CDH2: variants seen among roughly 807,000 people sequenced by gnomAD.
CDH2 encodes the protein cadherin-2.
CDH2 carries 17 observed loss-of-function variants against 92.0 expected under a neutral mutation model. The observed-to-expected ratio is 0.18, with a 90% CI of 0.13 to 0.28. The LOEUF (loss-of-function observed/expected upper bound fraction) is 0.28, where lower values mean the gene tolerates loss of function less well. CDH2 is among the 10% of genes least tolerant of loss of function. CDH2 has a pLI of 1.00. For missense variants in CDH2, 862 were observed against 1,133.1 expected (o/e 0.76, Z 3.44); for synonymous variants, 419 against 415.9 (o/e 1.01, Z -0.09).
intron 2 of CDH2, among the ~76,000 whole-genome samples, chr18:28,025,553 G>A (rs553755321): frequency 3.8e-4 from 57 of 149,366 alleles, no homozygotes; most frequent in African/African-American, 1.1e-3. Context: ...AATAATAAGC[G>A]TTTGCAATTG....
At chr18:27,991,718 T>C (rs1481739374) in intron 9 of CDH2, among the ~76,000 whole-genome samples, 1 of 152,188 alleles carries the variant, frequency 6.6e-6, no homozygotes, top group Admixed American at 6.5e-5. Context: ...CAGACTCAAG[T>C]TGGTGCTTTT....
At chr18:28,017,514 T>G (rs2013285147) in intron 2 of CDH2, among the ~76,000 whole-genome samples, 1 of 152,186 alleles carries the variant, frequency 6.6e-6, no homozygotes. Context: ...CTTTTCTTGG[T>G]TAATCTCGTT....
At chr18:28,073,385 T>A (rs1028791389) in intron 2 of CDH2, among the ~76,000 whole-genome samples, 1 of 152,176 alleles carries the variant, frequency 6.6e-6, no homozygotes, top group Non-Finnish European at 1.5e-5. Context: ...TTTCTATTTT[T>A]AAAAAATCAA....
intron 2 of CDH2, among the ~76,000 whole-genome samples, chr18:28,044,059 C>T (rs1462194886): frequency 6.6e-6 from 1 of 151,848 alleles, no homozygotes; most frequent in Non-Finnish European, 1.5e-5. Flanking sequence ...ATTACAGGCA[C>T]CTGCCACCAC....
chr18:28,146,198 A>G (rs1000443387), intron 2 of CDH2: 3 of 152,150 alleles, frequency 2.0e-5, no homozygotes, highest in Admixed American at 6.5e-5. Flanking sequence ...GAAATTACCC[A>G]TTTAAAAATG....
intron 1 of CDH2, among the ~76,000 whole-genome samples, chr18:28,156,642 C>CATGTCACCTTCCCAGGTGCAGA (rs1568020578): frequency 2.3e-5 from 1 of 43,892 alleles, no homozygotes; most frequent in Non-Finnish European, 4.3e-5. Flanking sequence ...CCAGGTGCAG[C>CATGTCACCTTCCCAGGTGCAGA]ATGTCACCTT....
At chr18:27,979,599 A>C (rs2011971817) in intron 14 of CDH2, among the ~76,000 whole-genome samples, 1 of 152,202 alleles carries the variant, frequency 6.6e-6, no homozygotes, top group Non-Finnish European at 1.5e-5. Flanking sequence ...GGATACATAA[A>C]ATGTAGTTAA....
At chr18:28,087,700 T>A (rs561885941) in intron 2 of CDH2, among the ~76,000 whole-genome samples, 1 of 152,278 alleles carries the variant, frequency 6.6e-6, no homozygotes, top group East Asian at 1.9e-4. Context: ...CATCATGTTC[T>A]ACTGACACAC....
In CDH2 at chr18:27,952,110, G is replaced by A; in HGVS notation, c.*43C>T. On this transcript the variant is annotated 3_prime_UTR_variant, in exon 16 of 16. Coordinates refer to ENST00000269141, the MANE Select transcript of CDH2 (RefSeq NM_001792.5). ...TGAATGCTTTTTGGGAATATCAGTT[G>A]AAATTGTTTGTACTTGTCCAAAAAC... is the stretch of plus-strand genomic sequence containing the variant. 6.7e-7 allele frequency: 1 copy of A among 1,501,694 alleles called. No homozygotes were observed. Among genetic ancestry groups the A allele is most frequent in the Non-Finnish European group, 9.3e-7 (1 of 1,078,722 alleles). 93.0% of individuals were successfully genotyped at this position (1,501,694 alleles called of 1,614,324 possible).
In CDH2 at chr18:27,990,861, A is replaced by G. The variant is rs1033893995; in HGVS notation, c.1345-511T>C. Among the ~76,000 whole-genome samples the G allele has an allele frequency of 3.3e-5, 5 of 152,346 alleles. No homozygotes were observed. The South Asian group carries it at 8.3e-4, about 25-fold the overall frequency. Reference sequence around the variant, plus strand: ...ATTTGATTTAAAAGTACCTTTCATAATTTGAAGTACACATTTTGCAGTACA... The same window carrying G: ...ATTTGATTTAAAAGTACCTTTCATAGTTTGAAGTACACATTTTGCAGTACA... On this transcript the variant is annotated intron_variant, in intron 9 of 15. Transcript: ENST00000269141.
chr18:28,137,156 C>T (rs899560061), intron 2 of CDH2, among the ~76,000 whole-genome samples: 1 of 152,122 alleles, frequency 6.6e-6, no homozygotes, highest in African/African-American at 2.4e-5. Flanking sequence ...TACTTCCTCA[C>T]ACTAATGAAA....
chr18:28,068,425 AACAC>A (rs71871790), intron 2 of CDH2, among the ~76,000 whole-genome samples: 24,829 of 152,100 alleles, frequency 0.16, 2,332 homozygotes, highest in East Asian at 0.3. Flanking sequence ...TAAGTTAACA[AACAC>A]ACACACAAAC....
At chr18:28,153,234 G>C (rs2016153297) in intron 1 of CDH2, among the ~76,000 whole-genome samples, 1 of 152,136 alleles carries the variant, frequency 6.6e-6, no homozygotes, top group Admixed American at 6.5e-5. Context: ...GATTTATGTT[G>C]AGCTTGTAGT....
At chr18:27,968,444 T>C (rs1454109857) in intron 14 of CDH2, among the ~76,000 whole-genome samples, 1 of 152,208 alleles carries the variant, frequency 6.6e-6, no homozygotes, top group Admixed American at 6.5e-5. Context: ...ATGGTTCCAC[T>C]AATCAGTCAC....
intron 2 of CDH2, among the ~76,000 whole-genome samples, chr18:28,101,243 T>C (rs17536153): frequency 0.052 from 7,842 of 152,260 alleles, 707 homozygotes; most frequent in African/African-American, 0.18. Context: ...TAGTATTTTA[T>C]GTATCTTAAC....
chr18:28,144,320 T>A (rs577338867), intron 2 of CDH2, among the ~76,000 whole-genome samples: 10 of 151,888 alleles, frequency 6.6e-5, no homozygotes, highest in African/African-American at 2.4e-4. Context: ...CAAAAATTGA[T>A]CCTAATTTAT....
rs1409622589 is a variant in CDH2, at chr18:28,005,918, T to C, written c.778A>G (p.Met260Val). 12 of 1,611,658 alleles carry C rather than the reference T, an allele frequency of 7.4e-6. No individual in the cohort carries two copies. The highest frequency in any genetic ancestry group is 9.3e-6 in the Non-Finnish European group (11 of 1,177,752). ...AAGAACTCAGGTCTGTTGTCATTCATGTCAATAACATTGATGACAATGTCA... is the reference window on the plus strand; with the variant it reads ...AAGAACTCAGGTCTGTTGTCATTCACGTCAATAACATTGATGACAATGTCA... Reference protein sequence around the residue: ...PIDIVINVIDMNDNRPEFLHQ... With the variant: ...PIDIVINVIDVNDNRPEFLHQ... Residue 260 changes from methionine to valine, a missense_variant, in exon 6 of 16, where the codon ATG (methionine) becomes GTG (valine). Physicochemically the swap from Met to Val is conservative, Grantham distance 21. Around this residue, in one of 5 missense-constraint regions of CDH2, gnomAD observed 564 missense variants for 722.2 expected, o/e 0.78. Coordinates refer to ENST00000269141, the MANE Select transcript of CDH2 (RefSeq NM_001792.5).
chr18:28,089,910 T>A (rs1340053931), intron 2 of CDH2, among the ~76,000 whole-genome samples: 3 of 152,218 alleles, frequency 2.0e-5, no homozygotes, highest in African/African-American at 7.2e-5. Flanking sequence ...TTCAGATCCA[T>A]ATTCACCTGA....
intron 2 of CDH2, among the ~76,000 whole-genome samples, chr18:28,023,511 G>T (rs201309546): frequency 0.019 from 1 of 52 alleles, no homozygotes; most frequent in African/African-American, 0.1. Context: ...TTTTTAGTAG[G>T]ACAGGGTTTT....
Sources: gnomAD v4.1 joint callset for allele counts (sites outside exome capture counted in the v4.1 genomes callset) on GRCh38, gnomAD v4.1.1 for gene constraint, gnomAD v4.1.1 regional missense constraint, MANE v1.5 for transcripts, NCBI Gene and HGNC (gene_info 2026-07-23, HGNC 2026-07-21) for gene names.